TRAPPC9: variants seen among roughly 807,000 people sequenced by gnomAD.
TRAPPC9 encodes the protein trafficking protein particle complex subunit 9.
A neutral mutation model predicts 124.0 loss-of-function variants in TRAPPC9; 83 were observed. The ratio of observed to expected loss-of-function variants is 0.67; its 90% CI spans 0.56 to 0.80. TRAPPC9 has a LOEUF of 0.80. TRAPPC9 is among the 30% of genes least tolerant of loss of function. The pLI, the probability that TRAPPC9 is intolerant of heterozygous loss-of-function variation, is 0.00. For synonymous variants in TRAPPC9, 638 were observed against 617.5 expected, an observed-to-expected ratio of 1.03 and a Z score of -0.49; for missense variants, 1,302 against 1,508.3, an observed-to-expected ratio of 0.86 and a Z score of 2.27.
intron 21 of TRAPPC9, among the ~76,000 whole-genome samples, chr8:139,824,733 TGTATTTTTTAATA>T (rs1825503188): frequency 6.6e-6 from 1 of 152,084 alleles, no homozygotes; most frequent in Non-Finnish European, 1.5e-5. Context: ...GCTAATTTTT[TGTATTTTTTAATA>T]GAGATGTGGT....
At chr8:140,151,301 T>C (rs995303243) in intron 17 of TRAPPC9, among the ~76,000 whole-genome samples, 1 of 152,168 alleles carries the variant, frequency 6.6e-6, no homozygotes, top group African/African-American at 2.4e-5. Context: ...CGTCCCATGG[T>C]GACTCTGACC....
At chr8:140,141,543 C>T (rs2061382251) in intron 17 of TRAPPC9, among the ~76,000 whole-genome samples, 1 of 152,164 alleles carries the variant, frequency 6.6e-6, no homozygotes, top group Non-Finnish European at 1.5e-5. Context: ...TGTTTTGAAC[C>T]CACTGACCCA....
At chr8:139,865,974 G>A (rs541722281) in intron 21 of TRAPPC9, among the ~76,000 whole-genome samples, 4 of 151,978 alleles carry the variant, frequency 2.6e-5, no homozygotes, top group African/African-American at 7.2e-5. Context: ...GAAATACATC[G>A]GTTCGGTCCA....
At chr8:140,286,292 C>T (rs1056260275) in intron 13 of TRAPPC9, among the ~76,000 whole-genome samples, 1 of 152,290 alleles carries the variant, frequency 6.6e-6, no homozygotes, top group Middle Eastern at 3.4e-3. Context: ...AGCCGGACCA[C>T]ACTGGGCTCC....
At chr8:140,335,687 C>T (rs537942556) in intron 9 of TRAPPC9, among the ~76,000 whole-genome samples, 35 of 149,926 alleles carry the variant, frequency 2.3e-4, no homozygotes, top group Non-Finnish European at 3.7e-4. Context: ...CTCTTAAGTC[C>T]CATCATAAGT....
chr8:140,256,187 C>T (rs4078540), intron 15 of TRAPPC9, among the ~76,000 whole-genome samples: 33,654 of 152,158 alleles, frequency 0.22, 4,054 homozygotes, highest in African/African-American at 0.31. Flanking sequence ...CTTCAACACA[C>T]AACATTTGGC....
At chr8:140,039,404 A>G (rs1168621156) in intron 17 of TRAPPC9, among the ~76,000 whole-genome samples, 1 of 152,242 alleles carries the variant, frequency 6.6e-6, no homozygotes, top group African/African-American at 2.4e-5. Context: ...CCAGATAAAC[A>G]GTGGGAGGAT....
At chr8:139,753,307 T>A (rs1819488342) in intron 21 of TRAPPC9, among the ~76,000 whole-genome samples, 1 of 148,788 alleles carries the variant, frequency 6.7e-6, no homozygotes, top group South Asian at 2.2e-4. Context: ...CTACCGTCCA[T>A]CCATCCATCC....
chr8:139,951,807 T>C (rs2131510285), intron 19 of TRAPPC9, among the ~76,000 whole-genome samples: 1 of 152,210 alleles, frequency 6.6e-6, no homozygotes, highest in East Asian at 1.9e-4. Context: ...AGTGATTACT[T>C]AGTTGTTTCA....
intron 17 of TRAPPC9, among the ~76,000 whole-genome samples, chr8:140,032,401 T>C (rs753014123): frequency 6.7e-5 from 10 of 149,066 alleles, no homozygotes; most frequent in Non-Finnish European, 1.2e-4. Context: ...AATGTAAACT[T>C]TTCCTCCCCC....
At chr8:140,035,586 C>G (rs6578060) in intron 17 of TRAPPC9, among the ~76,000 whole-genome samples, 81,951 of 152,050 alleles carry the variant, frequency 0.54, 22,671 homozygotes, top group Middle Eastern at 0.67. Context: ...TCAGGACTTC[C>G]CCATCCTATC....
chr8:139,731,903 G>T, intron 22 of TRAPPC9, 76 bp downstream of exon 22: 2 of 1,386,360 alleles, frequency 1.4e-6, no homozygotes, highest in Non-Finnish European at 2.0e-6. Context: ...TGACCCCAAA[G>T]CCCACCACCC....
chr8:140,405,144 G>C (rs2069447911), intron 6 of TRAPPC9: 1 of 153,380 alleles, frequency 6.5e-6, no homozygotes, highest in Non-Finnish European at 1.5e-5. Flanking sequence ...AAAGAAGGGT[G>C]CCTCCATAAG....
chr8:140,057,001 T>A (rs1032222926), intron 17 of TRAPPC9, among the ~76,000 whole-genome samples: 3 of 152,126 alleles, frequency 2.0e-5, no homozygotes, highest in African/African-American at 7.2e-5. Flanking sequence ...AAATGATTAA[T>A]AAATAACACA....
At chr8:140,457,797 C>A, upstream of TRAPPC9, 2 of 1,027,738 alleles carry the variant, frequency 1.9e-6, no homozygotes, top group Non-Finnish European at 2.3e-6. Context: ...GGCCTGGGCC[C>A]CCGATCCGTC....
chr8:140,352,150 C>T (rs2067604397), intron 9 of TRAPPC9, among the ~76,000 whole-genome samples: 1 of 152,318 alleles, frequency 6.6e-6, no homozygotes, highest in Admixed American at 6.5e-5. Flanking sequence ...GCTTCCTTCA[C>T]TTGGCATTAC....
At chr8:140,032,102 T>C (rs1156984903) in intron 17 of TRAPPC9, among the ~76,000 whole-genome samples, 1 of 152,210 alleles carries the variant, frequency 6.6e-6, no homozygotes, top group East Asian at 1.9e-4. Flanking sequence ...CTGAGAAGTC[T>C]TTCCAGCGTC....
At chr8:139,760,883 C>A (rs536493362) in intron 21 of TRAPPC9, among the ~76,000 whole-genome samples, 3 of 152,234 alleles carry the variant, frequency 2.0e-5, no homozygotes, top group African/African-American at 7.2e-5. Context: ...TCCCACAACA[C>A]ATGGGAATTA....
chr8:140,153,553 A>G (rs1244753042), intron 17 of TRAPPC9, among the ~76,000 whole-genome samples: 1 of 152,116 alleles, frequency 6.6e-6, no homozygotes, highest in Non-Finnish European at 1.5e-5. Flanking sequence ...TCCATAGACA[A>G]TCAATTCGTT....
Sources: allele counts gnomAD v4.1 joint callset (sites outside exome capture counted in the v4.1 genomes callset), GRCh38; gene constraint gnomAD v4.1.1; transcripts MANE v1.5; gene names NCBI Gene and HGNC (gene_info 2026-07-23, HGNC 2026-07-21).